NOL4: variants seen among roughly 807,000 people sequenced by gnomAD.
NOL4 encodes nucleolar protein 4.
Under a neutral mutation model 75.9 loss-of-function variants are expected in NOL4, and 17 were observed. That is an observed-to-expected ratio of 0.22 (90% CI 0.15 to 0.34). The LOEUF (loss-of-function observed/expected upper bound fraction) is 0.34. Among genes scored for constraint, NOL4 ranks in the 10% least tolerant of loss-of-function variants. The pLI is 1.00. For missense variants in NOL4, 614 were observed against 793.5 expected (o/e 0.77, Z 2.72); for synonymous variants, 292 against 289.9 (o/e 1.01, Z -0.07).
chr18:34,188,658 C>T (rs2146384307), intron 1 of NOL4, among the ~76,000 whole-genome samples: 1 of 152,320 alleles, frequency 6.6e-6, no homozygotes, highest in East Asian at 1.9e-4. Flanking sequence ...CTCTCTGTCA[C>T]TGCCTACCAC....
At chr18:34,182,212 G>A (rs1478701758) in intron 1 of NOL4, among the ~76,000 whole-genome samples, 2 of 151,548 alleles carry the variant, frequency 1.3e-5, no homozygotes, top group South Asian at 4.1e-4. Context: ...CGGTATAATG[G>A]AATATTCATC....
intron 2 of NOL4, among the ~76,000 whole-genome samples, chr18:34,129,446 T>G (rs1212620041): frequency 1.3e-5 from 2 of 151,796 alleles, no homozygotes; most frequent in Admixed American, 1.3e-4. Context: ...TTATTATTAC[T>G]ATGAACTAGA....
chr18:33,905,163 A>G (rs2065959972), intron 9 of NOL4, among the ~76,000 whole-genome samples: 1 of 152,180 alleles, frequency 6.6e-6, no homozygotes, highest in South Asian at 2.1e-4. Context: ...CAATTGCCAA[A>G]TATGTTAACT....
chr18:34,164,663 C>A (rs1310320091), intron 1 of NOL4, among the ~76,000 whole-genome samples: 1 of 152,002 alleles, frequency 6.6e-6, no homozygotes, highest in East Asian at 1.9e-4. Flanking sequence ...CTAGTTCAAC[C>A]ATTGTGGAAG....
intron 1 of NOL4, 78 bp from the exon 2 acceptor site, chr18:34,130,098 C>T (rs954972247): frequency 1.5e-6 from 2 of 1,329,438 alleles, no homozygotes; most frequent in Non-Finnish European, 2.0e-6. Flanking sequence ...TTGTTTAAAA[C>T]AAAATGTTTT....
chr18:34,070,698 A>G (rs1360249130), intron 5 of NOL4, among the ~76,000 whole-genome samples: 2 of 152,232 alleles, frequency 1.3e-5, no homozygotes, highest in Non-Finnish European at 2.9e-5. Context: ...AAGCTGCACT[A>G]TAAGACATGA....
chr18:33,893,714 A>G (rs1471177108), intron 9 of NOL4, among the ~76,000 whole-genome samples: 2 of 152,166 alleles, frequency 1.3e-5, no homozygotes, highest in African/African-American at 2.4e-5. Context: ...AGTAATACAT[A>G]TACCTTGTTT....
intron 5 of NOL4, among the ~76,000 whole-genome samples, chr18:34,053,018 A>C (rs1226691486): frequency 6.6e-6 from 1 of 152,088 alleles, no homozygotes; most frequent in African/African-American, 2.4e-5. Flanking sequence ...GTGAACCAAC[A>C]TTCTGTAAGC....
intron 9 of NOL4, among the ~76,000 whole-genome samples, chr18:33,890,295 T>A (rs1221077473): frequency 6.6e-6 from 1 of 151,830 alleles, no homozygotes; most frequent in Non-Finnish European, 1.5e-5. Context: ...GAGAATAAAA[T>A]ACCTAGGAAT....
chr18:33,982,611 G>C (rs1600141967), intron 6 of NOL4, among the ~76,000 whole-genome samples: 1 of 152,092 alleles, frequency 6.6e-6, no homozygotes, highest in African/African-American at 2.4e-5. Flanking sequence ...TGTTATTATA[G>C]TTTGAGACTT....
intron 2 of NOL4, among the ~76,000 whole-genome samples, chr18:34,124,875 CCA>C (rs1292675308): frequency 6.7e-6 from 1 of 148,520 alleles, no homozygotes; most frequent in Non-Finnish European, 1.5e-5. Flanking sequence ...CCATTTCACT[CCA>C]GTGTGGGCAA....
At chr18:33,957,849 T>C (rs917033013) in intron 7 of NOL4, among the ~76,000 whole-genome samples, 32 of 152,134 alleles carry the variant, frequency 2.1e-4, no homozygotes, top group African/African-American at 6.8e-4. Context: ...AATACGACTG[T>C]TACATTGCTA....
intron 8 of NOL4, among the ~76,000 whole-genome samples, chr18:33,945,371 A>C (rs2068765790): frequency 6.6e-6 from 1 of 151,824 alleles, no homozygotes; most frequent in Admixed American, 6.6e-5. Flanking sequence ...AATACATAAA[A>C]GTTCGTTTAA....
intron 9 of NOL4, among the ~76,000 whole-genome samples, chr18:33,898,297 GT>G (rs981947789): frequency 2.6e-5 from 4 of 152,086 alleles, no homozygotes; most frequent in African/African-American, 9.7e-5. Flanking sequence ...GCTTTAGCTG[GT>G]GATCACATGG....
rs1443882076 is a variant in NOL4, at chr18:33,881,258, A to T, written c.1723+1986T>A. Among the ~76,000 whole-genome samples the T allele has an allele frequency of 3.3e-5, 5 of 150,162 alleles. No individual in the cohort carries two copies. The South Asian group carries it at 1.1e-3, about 32-fold the overall frequency. ...TGAAGTTGCTTATCAGCTTAAGGAG[A>T]TTTTGGGCTGAGACAATGGGGTTTT... On this transcript the variant is annotated intron_variant, in intron 10 of 10. Coordinates refer to ENST00000261592, the MANE Select transcript of NOL4 (RefSeq NM_003787.5).
chr18:33,925,979 A>T (rs1285608118), intron 9 of NOL4, among the ~76,000 whole-genome samples: 1 of 152,168 alleles, frequency 6.6e-6, no homozygotes, highest in East Asian at 1.9e-4. Flanking sequence ...TAATTTGAAT[A>T]ATTTGAAAAT....
At chr18:34,194,842 T>G (rs1274427838) in intron 1 of NOL4, among the ~76,000 whole-genome samples, 1 of 152,006 alleles carries the variant, frequency 6.6e-6, no homozygotes, top group African/African-American at 2.4e-5. Flanking sequence ...CTGACCAACA[T>G]GGATAAACTT....
chr18:33,922,968 T>C (rs2067126534), intron 9 of NOL4, among the ~76,000 whole-genome samples: 1 of 152,174 alleles, frequency 6.6e-6, no homozygotes, highest in Non-Finnish European at 1.5e-5. Flanking sequence ...TTAAAAACTA[T>C]AGAGTCAACA....
At chr18:34,015,173 G>A (rs1026700413) in intron 6 of NOL4, among the ~76,000 whole-genome samples, 1 of 151,874 alleles carries the variant, frequency 6.6e-6, no homozygotes, top group South Asian at 2.1e-4. Context: ...ATCCAGATGC[G>A]GGAATCCTAG....
Sources: allele counts gnomAD v4.1 joint callset (sites outside exome capture counted in the v4.1 genomes callset), GRCh38; gene constraint gnomAD v4.1.1; transcripts MANE v1.5; gene names NCBI Gene and HGNC (gene_info 2026-07-23, HGNC 2026-07-21).